Variants in FRMD3 observed in about 807,000 individuals in gnomAD.
The protein encoded by FRMD3 is FERM domain-containing protein 3.
FRMD3 carries 33 observed loss-of-function variants against 70.2 expected under a neutral mutation model. That is an observed-to-expected ratio of 0.47 (90% confidence interval 0.36 to 0.63). FRMD3 has a LOEUF of 0.63. Among genes scored for constraint, FRMD3 ranks in the 20% least tolerant of loss-of-function variants. The pLI, the probability that FRMD3 is intolerant of heterozygous loss-of-function variation, is 0.00. For missense variants in FRMD3, 632 were observed against 711.4 expected, an observed-to-expected ratio of 0.89 and a Z score of 1.27; for synonymous variants, 279 against 255.9, an observed-to-expected ratio of 1.09 and a Z score of -0.86.
At chr9:83,485,028 G>T (rs184349223) in intron 1 of FRMD3, among the ~76,000 whole-genome samples, 4 of 152,158 alleles carry the variant, frequency 2.6e-5, no homozygotes, top group African/African-American at 7.2e-5. Flanking sequence ...TGTCCCAAAG[G>T]CCTCGGCCAG....
the FRMD3 span, among the ~76,000 whole-genome samples, chr9:83,582,694 A>G: frequency 6.6e-6 from 1 of 152,210 alleles, no homozygotes; most frequent in Non-Finnish European, 1.5e-5. Context: ...GTTTAATGCA[A>G]ATTTAGAAGA....
the FRMD3 span, among the ~76,000 whole-genome samples, chr9:83,578,707 A>G: frequency 6.6e-6 from 1 of 151,960 alleles, no homozygotes; most frequent in South Asian, 2.1e-4. Context: ...CACATAGCTA[A>G]CATAGTACTC....
In FRMD3 at chr9:83,443,664, G is replaced by C. The variant is rs533217242; in HGVS notation, c.148-53956C>G. Among the ~76,000 whole-genome samples, 5 of 152,272 alleles carry C rather than the reference G, an allele frequency of 3.3e-5. No individual in the cohort carries two copies. The South Asian group carries it at 1.0e-3, about 32-fold the overall frequency. On this transcript the variant is annotated intron_variant, in intron 1 of 13. Transcript: ENST00000304195. ...CCTTTGGGTATATACCCAGTAATGGGATCGCTGGGTCAGATGGTATTTCTA... is the reference window on the plus strand; with the variant it reads ...CCTTTGGGTATATACCCAGTAATGGCATCGCTGGGTCAGATGGTATTTCTA...
At chr9:83,378,421 G>A (rs1825219754) in intron 2 of FRMD3, among the ~76,000 whole-genome samples, 1 of 145,248 alleles carries the variant, frequency 6.9e-6, no homozygotes, top group African/African-American at 2.5e-5. Context: ...GGGACTACAG[G>A]TGCAAGCCAC....
At chr9:83,522,091 T>C (rs1307164157) in intron 1 of FRMD3, among the ~76,000 whole-genome samples, 1 of 152,196 alleles carries the variant, frequency 6.6e-6, no homozygotes, top group South Asian at 2.1e-4. Context: ...TGAAATCACA[T>C]TTTATAGCAA....
chr9:83,351,212 TA>T (rs1824144314), intron 3 of FRMD3, among the ~76,000 whole-genome samples: 1 of 151,898 alleles, frequency 6.6e-6, no homozygotes, highest in South Asian at 2.1e-4. Flanking sequence ...GAATGTATAA[TA>T]AGAATAATTT....
chr9:83,317,232 T>C (rs11140022), intron 6 of FRMD3, among the ~76,000 whole-genome samples: 42,622 of 150,072 alleles, frequency 0.28, 6,107 homozygotes, highest in African/African-American at 0.35. Context: ...ACACACTCAT[T>C]TGTATACTCA....
At chr9:83,545,025 C>A in the FRMD3 span, among the ~76,000 whole-genome samples, 2 of 151,980 alleles carry the variant, frequency 1.3e-5, no homozygotes, top group East Asian at 3.9e-4. Flanking sequence ...AACAATGGAT[C>A]CTAACCAAAA....
intron 3 of FRMD3, 133 bp downstream of exon 3, chr9:83,372,780 G>A: frequency 1.3e-6 from 1 of 778,328 alleles, no homozygotes; most frequent in East Asian, 2.4e-5. Flanking sequence ...GCTCTCCTGG[G>A]GAGAGAGAAG....
the FRMD3 span, among the ~76,000 whole-genome samples, chr9:83,563,996 C>T: frequency 6.6e-6 from 1 of 152,164 alleles, no homozygotes; most frequent in Admixed American, 6.5e-5. Context: ...CCCACCTCAT[C>T]ACCATGGGCC....
chr9:83,502,706 A>G (rs1829098061), intron 1 of FRMD3, among the ~76,000 whole-genome samples: 1 of 152,300 alleles, frequency 6.6e-6, no homozygotes, highest in South Asian at 2.1e-4. Flanking sequence ...TGGACTCCAA[A>G]TCAAACCACA....
chr9:83,584,160 C>A, the FRMD3 span, among the ~76,000 whole-genome samples: 2 of 152,000 alleles, frequency 1.3e-5, no homozygotes. Flanking sequence ...ATGGTGAAAC[C>A]CCATCTCTAC....
chr9:83,262,167 C>T (rs1833023566), intron 13 of FRMD3, among the ~76,000 whole-genome samples: 1 of 152,204 alleles, frequency 6.6e-6, no homozygotes, highest in Non-Finnish European at 1.5e-5. Flanking sequence ...ACTCAGAACC[C>T]TCCAATGAGA....
chr9:83,341,392 G>A (rs1458185165), intron 5 of FRMD3, among the ~76,000 whole-genome samples: 1 of 152,136 alleles, frequency 6.6e-6, no homozygotes, highest in African/African-American at 2.4e-5. Context: ...AAACAGGATG[G>A]CGAGCTTTCC....
intron 3 of FRMD3, among the ~76,000 whole-genome samples, chr9:83,360,871 T>C (rs2131222009): frequency 6.6e-6 from 1 of 152,354 alleles, no homozygotes; most frequent in East Asian, 1.9e-4. Flanking sequence ...TGTCCTCTCC[T>C]TCCATATTGG....
intron 6 of FRMD3, among the ~76,000 whole-genome samples, chr9:83,321,106 A>C (rs1835784061): frequency 6.6e-6 from 1 of 151,896 alleles, no homozygotes; most frequent in Non-Finnish European, 1.5e-5. Context: ...TGGTTTATCA[A>C]TTCTGTTTAT....
chr9:83,389,579 G>T, intron 2 of FRMD3, 25 bp downstream of exon 2: 4 of 1,517,506 alleles, frequency 2.6e-6, no homozygotes, highest in Non-Finnish European at 3.7e-6. Context: ...CCTGAAAATG[G>T]CTCCAGATAG....
intron 1 of FRMD3, among the ~76,000 whole-genome samples, chr9:83,392,267 A>T (rs1430487305): frequency 1.3e-5 from 2 of 152,054 alleles, no homozygotes; most frequent in Non-Finnish European, 2.9e-5. Flanking sequence ...TCCATGTCTC[A>T]CTGCTTGGTG....
At chr9:83,560,074 A>G in the FRMD3 span, among the ~76,000 whole-genome samples, 4 of 152,222 alleles carry the variant, frequency 2.6e-5, no homozygotes, top group African/African-American at 9.6e-5. Context: ...CTAGCTGTCC[A>G]CCAAAATACA....
Sources: allele counts gnomAD v4.1 joint callset (sites outside exome capture counted in the v4.1 genomes callset), GRCh38; gene constraint gnomAD v4.1.1; transcripts MANE v1.5; gene names NCBI Gene and HGNC (gene_info 2026-07-23, HGNC 2026-07-21).